The following CASP14 variants were observed in gnomAD, a reference collection of about 807,000 sequenced individuals.
The protein encoded by CASP14 is caspase 14, also known as caspase-14.
In CASP14, 27 loss-of-function variants were observed where a neutral mutation model predicts 28.4. The ratio of observed to expected loss-of-function variants is 0.95; its 90% confidence interval spans 0.70 to 1.31. CASP14 has a LOEUF of 1.31. Ranked by LOEUF, CASP14 falls within the 50% of genes most tolerant of loss-of-function variation. CASP14 has a pLI of 0.00. For missense variants in CASP14, 323 were observed against 312.8 expected (o/e 1.03, Z -0.25); for synonymous variants, 115 against 118.6 (o/e 0.97, Z 0.20).
At chr19:15,051,054 T>C (rs962917674) in intron 1 of CASP14, among the ~76,000 whole-genome samples, 4 of 151,874 alleles carry the variant, frequency 2.6e-5, no homozygotes, top group African/African-American at 7.3e-5. Flanking sequence ...GATGAATTAA[T>C]GGATAGATGG....
At chr19:15,051,694 T>C (rs144643733) in intron 1 of CASP14, among the ~76,000 whole-genome samples, 18 of 152,126 alleles carry the variant, frequency 1.2e-4, no homozygotes, top group East Asian at 7.8e-4. Flanking sequence ...GGGAGGTGGA[T>C]TGACCCCTTC....
intron 2 of CASP14, 27 bp downstream of exon 2, chr19:15,052,305 G>A: frequency 6.4e-7 from 1 of 1,565,988 alleles, no homozygotes. Flanking sequence ...TTGAGGGGAG[G>A]GTGATCATCT....
At chr19:15,051,502 C>CAA (rs3040744) in intron 1 of CASP14, among the ~76,000 whole-genome samples, 12,437 of 84,462 alleles carry the variant, frequency 0.15, 1,587 homozygotes, top group African/African-American at 0.26. Flanking sequence ...GATTCTGTCT[C>CAA]AAAAAAAAAA....
chr19:15,057,870 G>A lies in CASP14; in HGVS notation c.*1781G>A, dbSNP rs1356100316. On this transcript the variant is annotated 3_prime_UTR_variant, in exon 7 of 7. Transcript: ENST00000427043. The stretch of plus-strand genomic sequence containing the variant: ...GCCAGTGCATCCCAGCTCTAGGTGA[G>A]ACAGTGAGATCCGGTCTCCAAAATA... 6.6e-6 allele frequency: 1 copy of A among 152,216 alleles called. No individual in the cohort carries two copies. Among genetic ancestry groups the A allele is most frequent in the Admixed American group, 6.6e-5 (1 of 15,264 alleles). 9.4% of individuals were successfully genotyped at this position (152,216 alleles called of 1,614,324 possible). A position where few individuals can be genotyped will look rare whatever the true frequency, so the allele number is the denominator to read the frequency against.
At position 15,052,241 on chromosome 19, in the gene CASP14, C is replaced by A. The variant is rs370925265; in HGVS notation, c.-11C>A. Reference sequence around the variant, plus strand: ...GGGTGCTGAGAGCCGGGACTCACAACCAAAGGAGAAATGAGCAATCCGCGG... The same window carrying A: ...GGGTGCTGAGAGCCGGGACTCACAAACAAAGGAGAAATGAGCAATCCGCGG... On this transcript the variant is annotated 5_prime_UTR_variant, in exon 2 of 7. Transcript: ENST00000427043. 2 of 1,586,892 alleles carry A rather than the reference C, an allele frequency of 1.3e-6. No homozygotes were observed. The highest frequency in any genetic ancestry group is 8.6e-7 in the Non-Finnish European group (1 of 1,167,998).
chr19:15,051,216 C>T (rs1454451952), intron 1 of CASP14, among the ~76,000 whole-genome samples: 2 of 151,370 alleles, frequency 1.3e-5, no homozygotes, highest in African/African-American at 4.8e-5. Context: ...AAAGCATTCC[C>T]GGTGGGGTGC....
intron 1 of CASP14, 26 bp from the exon 2 acceptor site, chr19:15,052,180 T>G (rs2046094045): frequency 6.5e-7 from 1 of 1,530,334 alleles, no homozygotes; most frequent in Non-Finnish European, 8.8e-7. Flanking sequence ...TTAGAGAACT[T>G]TAACCTATCT....
chr19:15,055,378 C>T (rs1201281953), intron 5 of CASP14, 52 bp from the exon 6 acceptor site: 1 of 1,578,546 alleles, frequency 6.3e-7, no homozygotes. Flanking sequence ...TCCAGGATCC[C>T]CTCTACCTAC....
intron 6 of CASP14, 59 bp from the exon 7 acceptor site, chr19:15,055,926 C>T: frequency 7.2e-7 from 1 of 1,380,690 alleles, no homozygotes. Context: ...GTTCCCTAAC[C>T]CTCCCCCCAT....
intron 1 of CASP14, among the ~76,000 whole-genome samples, chr19:15,049,996 C>T (rs1386615027): frequency 6.6e-6 from 1 of 152,076 alleles, no homozygotes; most frequent in Non-Finnish European, 1.5e-5. Flanking sequence ...GAATCAAAAA[C>T]ACTGCTGTAA....
chr19:15,049,695 TCTCA>T (rs1349975833), intron 1 of CASP14, 50 bp downstream of exon 1: 1,364 of 114,864 alleles, frequency 0.012, 5 homozygotes, highest in East Asian at 0.041. Flanking sequence ...TCTCTCTCTC[TCTCA>T]CACACACACA....
At chr19:15,055,933 C>A (rs1016693505) in intron 6 of CASP14, 52 bp from the exon 7 acceptor site, 3 of 1,433,736 alleles carry the variant, frequency 2.1e-6, no homozygotes, top group East Asian at 2.4e-5. Flanking sequence ...AACCCTCCCC[C>A]CATAAGTCCA....
intron 1 of CASP14, 75 bp downstream of exon 1, chr19:15,049,720 CA>C (rs1196117457): frequency 2.6e-5 from 4 of 152,540 alleles, no homozygotes; most frequent in African/African-American, 9.7e-5. Flanking sequence ...CACACACACA[CA>C]CACACACACA....
chr19:15,049,831 A>G (rs552790105), intron 1 of CASP14, among the ~76,000 whole-genome samples, 186 bp downstream of exon 1: 6 of 151,386 alleles, frequency 4.0e-5, no homozygotes, highest in Non-Finnish European at 8.8e-5. Flanking sequence ...CTTTCTTTTC[A>G]TCTGTTCATT....
At chr19:15,049,669 CCTCT>C (rs57707199) in intron 1 of CASP14, 24 bp downstream of exon 1, 26,170 of 126,054 alleles carry the variant, frequency 0.21, 3,408 homozygotes, top group East Asian at 0.31. Context: ...TGGATATTAG[CCTCT>C]CTCTCTCTCT....
At chr19:15,052,155 C>T in intron 1 of CASP14, 51 bp from the exon 2 acceptor site, 2 of 1,371,310 alleles carry the variant, frequency 1.5e-6, no homozygotes, top group East Asian at 2.6e-5. Flanking sequence ...GTCCCCTGAG[C>T]CCCTCGGCCT....
At chr19:15,053,265 A>G (rs1056773301) in intron 2 of CASP14, among the ~76,000 whole-genome samples, 2 of 152,002 alleles carry the variant, frequency 1.3e-5, no homozygotes, top group Non-Finnish European at 2.9e-5. Context: ...ACAGCAGCAC[A>G]CCCAGCTATA....
chr19:15,055,398 C>A (rs757705868), intron 5 of CASP14, 32 bp from the exon 6 acceptor site: 8 of 1,600,430 alleles, frequency 5.0e-6, no homozygotes, highest in South Asian at 3.3e-5. Flanking sequence ...CCCTCTGAAG[C>A]TCCCCCGAAC....
At chr19:15,049,836 T>C (rs910629617) in intron 1 of CASP14, among the ~76,000 whole-genome samples, 191 bp downstream of exon 1, 2 of 152,164 alleles carry the variant, frequency 1.3e-5, no homozygotes, top group Admixed American at 6.5e-5. Flanking sequence ...TTTTCATCTG[T>C]TCATTTTTTT....
Sources: allele counts gnomAD v4.1 joint callset (sites outside exome capture counted in the v4.1 genomes callset), GRCh38; gene constraint gnomAD v4.1.1; transcripts MANE v1.5; gene names NCBI Gene and HGNC (gene_info 2026-07-23, HGNC 2026-07-21).